Variants in IDH2 observed in about 807,000 individuals in gnomAD.
The protein encoded by IDH2 is isocitrate dehydrogenase (NADP(+)) 2.
Under a neutral mutation model 50.5 loss-of-function variants are expected in IDH2, and 18 were observed. The observed-to-expected ratio is 0.36, with a 90% CI of 0.25 to 0.53. The LOEUF (loss-of-function observed/expected upper bound fraction) is 0.53, where lower values mean the gene tolerates loss of function less well. Among genes scored for constraint, IDH2 ranks in the 20% least tolerant of loss-of-function variants. The pLI is 0.92. For synonymous variants in IDH2, 280 were observed against 239.8 expected, an observed-to-expected ratio of 1.17 and a Z score of -1.55; for missense variants, 518 against 610.7, an observed-to-expected ratio of 0.85 and a Z score of 1.60.
rs76066237 is a variant in IDH2 at position 90,083,863 on chromosome 15, G to A, written c.*403C>T. ...GGCTGCCTGGTCCCTTCCCTGCCGT[G>A]GCAGCCCCTTCCTGAGGTGCTCTGG... On this transcript the variant is annotated 3_prime_UTR_variant, in exon 11 of 11. Coordinates refer to ENST00000330062, the MANE Select transcript of IDH2 (RefSeq NM_002168.4). The A allele has an allele frequency of 0.015, 4,670 of 315,694 alleles. 321 individuals are homozygous for A. In the East Asian group the frequency reaches 0.17, roughly 12 times the overall value. 19.6% of individuals were successfully genotyped at this position (315,694 alleles called of 1,614,324 possible).
Position 90,084,992 on chromosome 15 carries a change from C to T in IDH2, c.1178+9G>A, listed in dbSNP as rs1379450647. The T allele has an allele frequency of 3.7e-6, 6 of 1,613,642 alleles. No individual in the cohort carries two copies. The highest frequency in any genetic ancestry group is 5.1e-6 in the Non-Finnish European group (6 of 1,179,694). On this transcript the variant is annotated intron_variant, in intron 9 of 10. Coordinates refer to ENST00000330062, the MANE Select transcript of IDH2 (RefSeq NM_002168.4). This position sits in a 1 kb window ranked among gnomAD's most constrained non-coding sequence, Gnocchi z 5.0. ...CCTGGGCAGCTCCGGCCTCTCCCTC[C>T]ATGCTCACCTGATGAGGTCTTGGTT...
Position 90,084,603 on chromosome 15 carries a change from G to A in IDH2, c.1271+213C>T, listed in dbSNP as rs761327377. Among the ~76,000 whole-genome samples the A allele has an allele frequency of 5.3e-5, 8 of 152,148 alleles. No homozygotes were observed. Among genetic ancestry groups the A allele is most frequent in the African/African-American group, 1.4e-4 (6 of 41,420 alleles). ...CTGGGAAAGGGGTGTGGGCAGGGTC[G>A]GAAGGAGCTCTGAGTAGCCAGCCTC... On this transcript the variant is annotated intron_variant, in intron 10 of 10. Coordinates refer to ENST00000330062, the MANE Select transcript of IDH2 (RefSeq NM_002168.4). This position sits in a 1 kb window ranked among gnomAD's most constrained non-coding sequence, Gnocchi z 5.0.
intron 1 of IDH2, among the ~76,000 whole-genome samples, chr15:90,097,788 A>G (rs1901220589): frequency 6.6e-6 from 1 of 152,250 alleles, no homozygotes; most frequent in African/African-American, 2.4e-5. Flanking sequence ...ACAATACTGT[A>G]CACTGAACAA....
chr15:90,096,469 C>G (rs1261454293), intron 1 of IDH2, among the ~76,000 whole-genome samples: 7 of 151,998 alleles, frequency 4.6e-5, no homozygotes, highest in Non-Finnish European at 8.8e-5. Context: ...CTCACAACCA[C>G]TAAGAGAGCT....
intron 3 of IDH2, 37 bp downstream of exon 3, chr15:90,090,442 G>A: frequency 6.2e-7 from 1 of 1,608,726 alleles, no homozygotes; most frequent in Non-Finnish European, 8.5e-7. Context: ...AGAAGCCTGT[G>A]ACCCTCCCTG....
intron 3 of IDH2, 103 bp downstream of exon 3, chr15:90,090,376 C>A (rs1901000716): frequency 7.7e-7 from 1 of 1,292,482 alleles, no homozygotes. Context: ...ACCTCCCAGT[C>A]CCGAGATGAG....
intron 6 of IDH2, 59 bp from the exon 7 acceptor site, chr15:90,087,322 C>T (rs2151548267): frequency 6.2e-7 from 1 of 1,612,976 alleles, no homozygotes; most frequent in South Asian, 1.1e-5. Flanking sequence ...TTGGGGATCC[C>T]TCCCTGAGCC....
In IDH2 at chr15:90,083,658, G is replaced by C. The variant is rs1900779944; in HGVS notation, c.*608C>G. On this transcript the variant is annotated 3_prime_UTR_variant, in exon 11 of 11. Coordinates refer to ENST00000330062, the MANE Select transcript of IDH2 (RefSeq NM_002168.4). ...TAAGAAAGTGGCCTGGAGATGTTTA[G>C]AAGGTTAAAACCAACGAAGAAAAAA... 6.2e-6 allele frequency: 1 copy of C among 161,700 alleles called. No homozygotes were observed. The highest frequency in any genetic ancestry group is 2.4e-5 in the African/African-American group (1 of 41,590). 10.0% of individuals were successfully genotyped at this position (161,700 alleles called of 1,614,324 possible). A position where few individuals can be genotyped will look rare whatever the true frequency, so the allele number is the denominator to read the frequency against.
chr15:90,088,909 T>G (rs1021948022), intron 3 of IDH2, among the ~76,000 whole-genome samples, 162 bp from the exon 4 acceptor site: 2 of 132,252 alleles, frequency 1.5e-5, no homozygotes, highest in Non-Finnish European at 3.1e-5. Flanking sequence ...TCTGCCAATT[T>G]TTTTTTTTTT....
At chr15:90,089,601 C>G (rs1317504179) in intron 3 of IDH2, among the ~76,000 whole-genome samples, 1 of 152,238 alleles carries the variant, frequency 6.6e-6, no homozygotes, top group African/African-American at 2.4e-5. Context: ...GATCCCAGTG[C>G]TGTGGGTCAG....
rs1336089289 is a variant in IDH2, at chr15:90,102,461, C to T, written c.-71G>A. On this transcript the variant is annotated 5_prime_UTR_variant, in exon 1 of 11. Coordinates refer to ENST00000330062, the MANE Select transcript of IDH2 (RefSeq NM_002168.4). The stretch of plus-strand genomic sequence containing the variant: ...GCGCCGCTCCTCCCGGCTGCCTGGC[C>T]GCGGGCTAACGCTGGGCCTGGCGGG... 4.7e-6 allele frequency: 4 copies of T among 857,400 alleles called. No homozygotes were observed. In the South Asian group the frequency reaches 2.2e-4, roughly 47 times the overall value. The allele number at this position is 857,400 out of a possible 1,614,324, so 53.1% of individuals were successfully genotyped here.
In IDH2 at chr15:90,100,284, TACCCTGAATGGA is replaced by T. The variant is rs1901294556; in HGVS notation, c.115+1980_115+1991del. Among the ~76,000 whole-genome samples the T allele has an allele frequency of 6.6e-6, 1 of 152,136 alleles. No individual in the cohort carries two copies. Among genetic ancestry groups the T allele is most frequent in the Non-Finnish European group, 1.5e-5 (1 of 68,020 alleles). ...TCTGAGAGCAGTTTCCAGCACCTCA[TACCCTGAATGGA>T]ACCAGCCCAAGGGCCCTCAACTTCA... On this transcript the variant is annotated intron_variant, in intron 1 of 10. Transcript: ENST00000330062. This position sits in a 1 kb window ranked among gnomAD's most constrained non-coding sequence, Gnocchi z 4.1.
At position 90,090,582 on chromosome 15, in the gene IDH2, G is replaced by A; in HGVS notation, c.270C>T (p.Asp90=). The change falls in exon 3 of 11, where the codon GAC becomes GAT. Residue 90 remains aspartate, a synonymous_variant. Transcript: ENST00000330062. ...CAATGGTGACCTGGTCATCAGTCTG[G>A]TCACGGTTTGGGAGCCCGAGGTCAA... ...KYFDLGLPNR[D]QTDDQVTIDS... 2 of 1,614,210 alleles carry A rather than the reference G, an allele frequency of 1.2e-6. No homozygotes were observed. Among genetic ancestry groups the A allele is most frequent in the East Asian group, 4.5e-5 (2 of 44,892 alleles).
intron 1 of IDH2, among the ~76,000 whole-genome samples, chr15:90,097,436 G>A (rs921706334): frequency 1.3e-5 from 2 of 152,184 alleles, no homozygotes; most frequent in African/African-American, 4.8e-5. Context: ...ATCCTCCAAG[G>A]ATAAGGGGGA....
At chr15:90,088,906 A>T (rs1473417122) in intron 3 of IDH2, among the ~76,000 whole-genome samples, 159 bp from the exon 4 acceptor site, 2 of 96,514 alleles carry the variant, frequency 2.1e-5, no homozygotes, top group Non-Finnish European at 4.2e-5. Context: ...GAGTCTGCCA[A>T]TTTTTTTTTT....
intron 1 of IDH2, among the ~76,000 whole-genome samples, chr15:90,096,778 G>T (rs536871347): frequency 6.6e-6 from 1 of 152,240 alleles, no homozygotes; most frequent in Non-Finnish European, 1.5e-5. Context: ...GCCAGGCGTG[G>T]TGGCAGGCGC....
intron 1 of IDH2, among the ~76,000 whole-genome samples, chr15:90,099,483 G>C (rs1192729646): frequency 2.0e-5 from 3 of 152,126 alleles, no homozygotes; most frequent in Admixed American, 6.5e-5. Context: ...GGGGGAGAAG[G>C]GGGAGGCAGG....
chr15:90,092,241 T>G (rs1254709672), intron 1 of IDH2, among the ~76,000 whole-genome samples: 1 of 152,162 alleles, frequency 6.6e-6, no homozygotes, highest in African/African-American at 2.4e-5. Context: ...CCCACCACCC[T>G]GCCACCCGTG....
At chr15:90,090,248 G>A (rs1178463862) in intron 3 of IDH2, among the ~76,000 whole-genome samples, 1 of 152,092 alleles carries the variant, frequency 6.6e-6, no homozygotes, top group African/African-American at 2.4e-5. Flanking sequence ...CCTTACCCAC[G>A]CCTGCCCCAG....
Sources: allele counts gnomAD v4.1 joint callset (sites outside exome capture counted in the v4.1 genomes callset), GRCh38; gene constraint gnomAD v4.1.1; non-coding constraint Gnocchi (gnomAD v3.1); transcripts MANE v1.5; gene names NCBI Gene and HGNC (gene_info 2026-07-23, HGNC 2026-07-21).